The following ITGB2 variants were observed in gnomAD, a reference collection of about 807,000 sequenced individuals.
The protein encoded by ITGB2 is integrin subunit beta 2.
ITGB2 carries 56 observed loss-of-function variants against 86.8 expected under a neutral mutation model. That is an observed-to-expected ratio of 0.65 (90% CI 0.52 to 0.81). The LOEUF is 0.81. Ranked by LOEUF, ITGB2 falls within the 30% of genes least tolerant of loss-of-function variation. The pLI, the probability that ITGB2 is intolerant of heterozygous loss-of-function variation, is 0.00. For missense variants in ITGB2, 948 were observed against 1,061.2 expected (o/e 0.89, Z 1.48); for synonymous variants, 457 against 450.4 (o/e 1.01, Z -0.19).
intron 13 of ITGB2, 170 bp downstream of exon 13, chr21:44,889,106 G>T: frequency 1.4e-6 from 1 of 708,236 alleles, no homozygotes; most frequent in Non-Finnish European, 2.4e-6. Context: ...CAGGAGGGAG[G>T]AGGGACACAG....
In ITGB2 at chr21:44,906,787, A is replaced by C. The variant is rs2084048217; in HGVS notation, c.328+128T>G. On this transcript the variant is annotated intron_variant, in intron 4 of 15. Transcript: ENST00000652462. ...AGCAGCCTTGGGGCTTCACTGGCCC[A>C]CACACCCGTCCGACCCGGACACATG... The C allele has an allele frequency of 2.3e-5, 22 of 976,828 alleles. No homozygotes were observed. The South Asian group carries it at 3.0e-4, about 13-fold the overall frequency. The allele number at this position is 976,828 out of a possible 1,614,324, so 60.5% of individuals were successfully genotyped here.
At chr21:44,920,261 C>G (rs1040076838) in intron 1 of ITGB2, among the ~76,000 whole-genome samples, 2 of 152,156 alleles carry the variant, frequency 1.3e-5, no homozygotes, top group African/African-American at 2.4e-5. Flanking sequence ...CCACACTACG[C>G]TATGCCACAC....
chr21:44,920,083 C>T (rs1384369935), intron 1 of ITGB2, among the ~76,000 whole-genome samples: 1 of 152,154 alleles, frequency 6.6e-6, no homozygotes, highest in Non-Finnish European at 1.5e-5. Flanking sequence ...AAGACGTCAC[C>T]CAGGGGTCCC....
rs190788449 is a variant in ITGB2, at chr21:44,909,081, C to T, written c.147+1203G>A. On this transcript the variant is annotated intron_variant, in intron 3 of 15. Coordinates refer to ENST00000652462, the MANE Select transcript of ITGB2 (RefSeq NM_000211.5). ...CAGCACGGCACCAATCTGCAGCCAT[C>T]GCAGTGATGGCGGCTTCAGGCGGGG... is the stretch of plus-strand genomic sequence containing the variant. Among the ~76,000 whole-genome samples the T allele has an allele frequency of 3.9e-5, 6 of 152,302 alleles. No individual in the cohort carries two copies. In the East Asian group the frequency reaches 1.2e-3, roughly 29 times the overall value.
chr21:44,927,780 TC>T (rs2084393674), intron 1 of ITGB2: 1 of 152,204 alleles, frequency 6.6e-6, no homozygotes, highest in South Asian at 2.1e-4. Flanking sequence ...TGGGGAGGGC[TC>T]GGGGCAGGAA....
At chr21:44,893,333 C>G in intron 10 of ITGB2, 71 bp downstream of exon 10, 1 of 1,587,994 alleles carries the variant, frequency 6.3e-7, no homozygotes, top group Non-Finnish European at 8.6e-7. Context: ...GGGATGGGGA[C>G]CCTGGCTCCT....
chr21:44,901,175 G>A (rs1601304515), intron 6 of ITGB2, among the ~76,000 whole-genome samples: 1 of 152,232 alleles, frequency 6.6e-6, no homozygotes, highest in South Asian at 2.1e-4. Context: ...CACGGGACCT[G>A]CTGCCTAGCG....
intron 5 of ITGB2, 30 bp from the exon 6 acceptor site, chr21:44,901,763 T>A (rs1202943956): frequency 6.3e-6 from 10 of 1,591,122 alleles, no homozygotes; most frequent in Non-Finnish European, 7.7e-6. Flanking sequence ...GCTGGGGAGG[T>A]GGCAGGCTGG....
intron 8 of ITGB2, 31 bp downstream of exon 8, chr21:44,899,036 C>CA: frequency 6.5e-7 from 1 of 1,548,930 alleles, no homozygotes. Flanking sequence ...TGCCCCCACC[C>CA]AATGGATGCT....
At chr21:44,889,241 T>TCCCTGCCCG (rs1345106168) in intron 13 of ITGB2, 35 bp downstream of exon 13, 1 of 1,599,146 alleles carries the variant, frequency 6.3e-7, no homozygotes, top group Non-Finnish European at 8.6e-7. Context: ...GGAGTGGGGA[T>TCCCTGCCCG]CCCTGCCCGC....
At chr21:44,888,934 G>T in intron 13 of ITGB2, 39 bp from the exon 14 acceptor site, 1 of 1,583,792 alleles carries the variant, frequency 6.3e-7, no homozygotes, top group Non-Finnish European at 8.6e-7. Context: ...GCCAGGGTGT[G>T]CGGGGGCTCC....
chr21:44,912,763 C>G (rs965234139), intron 1 of ITGB2, among the ~76,000 whole-genome samples: 1 of 152,086 alleles, frequency 6.6e-6, no homozygotes, highest in Non-Finnish European at 1.5e-5. Flanking sequence ...GATCGGAGGC[C>G]CTGTGCGTGC....
chr21:44,919,091 T>A (rs1458254907), intron 1 of ITGB2, among the ~76,000 whole-genome samples: 1 of 138,788 alleles, frequency 7.2e-6, no homozygotes, highest in Admixed American at 7.5e-5. Flanking sequence ...GCAGTGACGC[T>A]GCGGAGCTGA....
intron 4 of ITGB2, 86 bp from the exon 5 acceptor site, chr21:44,903,621 A>C: frequency 6.7e-7 from 1 of 1,502,484 alleles, no homozygotes; most frequent in Non-Finnish European, 9.1e-7. Context: ...CGGGCTGTGC[A>C]CTGGCACCCT....
Position 44,911,258 on chromosome 21 carries a change from A to C in ITGB2, c.-3-473T>G. ...CCCCGCAAGACACTACACACCACACACAAATATACACATGCACACGTACAC... is the reference window on the plus strand; with the variant it reads ...CCCCGCAAGACACTACACACCACACCCAAATATACACATGCACACGTACAC... On this transcript the variant is annotated intron_variant, in intron 1 of 15. Transcript: ENST00000652462. The C allele has an allele frequency of 1.6e-5, 4 of 254,520 alleles. No homozygotes were observed. The South Asian group carries it at 1.8e-4, about 11-fold the overall frequency. 15.8% of individuals were successfully genotyped at this position (254,520 alleles called of 1,614,324 possible). A position where few individuals can be genotyped will look rare whatever the true frequency, so the allele number is the denominator to read the frequency against.
chr21:44,918,956 T>C (rs2084251821), intron 1 of ITGB2, among the ~76,000 whole-genome samples: 1 of 150,740 alleles, frequency 6.6e-6, no homozygotes, highest in African/African-American at 2.4e-5. Context: ...CTCCCAGCAC[T>C]CGGAGCTGAG....
At chr21:44,899,235 C>A in intron 7 of ITGB2, 73 bp from the exon 8 acceptor site, 2 of 1,151,918 alleles carry the variant, frequency 1.7e-6, no homozygotes, top group Non-Finnish European at 2.6e-6. Context: ...CCCTGTCTGC[C>A]CCGCTCAGCG....
chr21:44,889,607 G>T, intron 12 of ITGB2, 112 bp from the exon 13 acceptor site: 2 of 1,051,434 alleles, frequency 1.9e-6, no homozygotes, highest in Non-Finnish European at 2.8e-6. Flanking sequence ...CAGCCTGGGG[G>T]ATGTTCCTGA....
At chr21:44,919,454 C>T (rs538538669) in intron 1 of ITGB2, among the ~76,000 whole-genome samples, 13 of 152,312 alleles carry the variant, frequency 8.5e-5, no homozygotes, top group African/African-American at 2.9e-4. Context: ...AAAGTGCTGG[C>T]CCCCGGGGAT....
Sources: gnomAD v4.1 joint callset for allele counts (sites outside exome capture counted in the v4.1 genomes callset) on GRCh38, gnomAD v4.1.1 for gene constraint, MANE v1.5 for transcripts, NCBI Gene and HGNC (gene_info 2026-07-23, HGNC 2026-07-21) for gene names.